The following FANCA variants were observed in gnomAD, a reference collection of about 807,000 sequenced individuals.
The protein encoded by FANCA is Fanconi anemia group A protein.
A neutral mutation model predicts 194.3 loss-of-function variants in FANCA; 236 were observed. The observed-to-expected ratio is 1.21, with a 90% CI of 1.09 to 1.35. The LOEUF is 1.35. FANCA is among the 40% of genes most tolerant of loss of function. FANCA has a pLI of 0.00. For synonymous variants in FANCA, 1,014 were observed against 715.8 expected (o/e 1.42, Z -6.65); for missense variants, 2,628 against 1,813.9 (o/e 1.45, Z -8.15).
At chr16:89,747,065 G>A (rs1474043908) in intron 33 of FANCA, among the ~76,000 whole-genome samples, 175 bp from the exon 34 acceptor site, 2 of 152,192 alleles carry the variant, frequency 1.3e-5, no homozygotes, top group African/African-American at 4.8e-5. Flanking sequence ...GTGCTGTCCT[G>A]AAACTTAACG....
In FANCA at chr16:89,738,089, T is replaced by G; in HGVS notation, c.*512A>C. ...GCCTGTGACCAGTGTGGCCGGCGGT[T>G]TGAGAAGGCCCACAACCTCAATGTA... On this transcript the variant is annotated 3_prime_UTR_variant, in exon 43 of 43. Coordinates refer to ENST00000389301, the MANE Select transcript of FANCA (RefSeq NM_000135.4). 1 of 1,614,064 alleles carries G rather than the reference T, an allele frequency of 6.2e-7. No individual in the cohort carries two copies. The highest frequency in any genetic ancestry group is 8.5e-7 in the Non-Finnish European group (1 of 1,180,036).
intron 26 of FANCA, among the ~76,000 whole-genome samples, chr16:89,768,038 T>G: frequency 6.6e-6 from 1 of 152,190 alleles, no homozygotes; most frequent in Non-Finnish European, 1.5e-5. Flanking sequence ...ATGCCCAGGC[T>G]GGAGTGCAGT....
Position 89,745,076 on chromosome 16 carries a change from GGA to G in FANCA, c.3514-7_3514-6del, listed in dbSNP as rs1442804362. On this transcript the variant is annotated splice_polypyrimidine_tract_variant and splice_region_variant and intron_variant, in intron 35 of 42. Coordinates refer to ENST00000389301, the MANE Select transcript of FANCA (RefSeq NM_000135.4). ...CTCCAGGCTCGGCCACCACACCTAT[GGA>G]GAGAGCACCAGCACACAGATGAGGG... The G allele has an allele frequency of 1.9e-6, 3 of 1,597,000 alleles. No homozygotes were observed. The highest frequency in any genetic ancestry group is 4.5e-5 in the East Asian group (2 of 44,248).
Position 89,810,719 on chromosome 16 carries a change from T to A in FANCA, c.510A>T (p.Leu170Phe). ...MFSRLSFCQE[L>F]WKIQSSLLLE... Reference sequence around the variant, plus strand: ...ATCTCAAATTTACCTGTATTTTCCATAATTCTTGACAGAAGGAAAGACGGG... The same window carrying A: ...ATCTCAAATTTACCTGTATTTTCCAAAATTCTTGACAGAAGGAAAGACGGG... Residue 170 changes from leucine to phenylalanine, a missense_variant, in exon 5 of 43, where the codon TTA (leucine) becomes TTT (phenylalanine). Transcript: ENST00000389301. The A allele has an allele frequency of 6.2e-7, 1 of 1,608,024 alleles. No homozygotes were observed. The highest frequency in any genetic ancestry group is 8.5e-7 in the Non-Finnish European group (1 of 1,174,438).
Position 89,740,874 on chromosome 16 carries a change from T to G in FANCA, c.3766-8A>C. The G allele has an allele frequency of 6.2e-7, 1 of 1,609,958 alleles. No homozygotes were observed. The highest frequency in any genetic ancestry group is 1.1e-5 in the South Asian group (1 of 90,576). On this transcript the variant is annotated splice_polypyrimidine_tract_variant and splice_region_variant and intron_variant, in intron 37 of 42. Transcript: ENST00000389301. ...GAAAAGGAAAACCAATAGCTGTAAA[T>G]AAAAACGTGCACTTATTATTACATT...
In FANCA at chr16:89,773,359, T is replaced by C. The variant is rs2039390337; in HGVS notation, c.1926A>G (p.Glu642=). Residue 642 remains glutamate (E), a synonymous_variant, in exon 22 of 43, where the codon GAA becomes GAG. Transcript: ENST00000389301. The stretch of plus-strand genomic sequence containing the variant: ...CCAGGGGCTCCTCAGCAGAGTTGGG[T>C]TCTGCCCTCACTCCCAGGGCTGCAT... ...PEDAALGVRA[E]PNSAEEPLGQ... 3 of 1,551,344 alleles carry C rather than the reference T, an allele frequency of 1.9e-6. No homozygotes were observed. The highest frequency in any genetic ancestry group is 2.6e-6 in the Non-Finnish European group (3 of 1,146,854).
In FANCA at chr16:89,792,513, G is replaced by A; in HGVS notation, c.1041C>T (p.Ser347=). ...TGAGCAGAGGGTGTGTCCGCGCAAAGCTCCACTCTCTCTGCATCTGAACAG... is the reference window on the plus strand; with the variant it reads ...TGAGCAGAGGGTGTGTCCGCGCAAAACTCCACTCTCTCTGCATCTGAACAG... The part of the protein sequence containing the change: ...SDAVQMQREW[S]FARTHPLLTS... The change falls in exon 12 of 43, where the codon AGC becomes AGT. Residue 347 remains serine, a synonymous_variant. Transcript: ENST00000389301. 1 of 1,613,524 alleles carries A rather than the reference G, an allele frequency of 6.2e-7. No individual in the cohort carries two copies. Among genetic ancestry groups the A allele is most frequent in the Non-Finnish European group, 8.5e-7 (1 of 1,180,020 alleles).
intron 10 of FANCA, among the ~76,000 whole-genome samples, chr16:89,797,342 G>T (rs8051915): frequency 0.35 from 52,829 of 151,444 alleles, 10,774 homozygotes; most frequent in East Asian, 0.72. Context: ...AAAAAATAAA[G>T]AAAGAAAGAA....
intron 20 of FANCA, among the ~76,000 whole-genome samples, 155 bp from the exon 21 acceptor site, chr16:89,775,970 A>G (rs963354984): frequency 6.6e-6 from 1 of 151,702 alleles, no homozygotes; most frequent in Admixed American, 6.6e-5. Context: ...AAAAAATATT[A>G]AAAAATATAT....
chr16:89,815,748 C>A, intron 2 of FANCA, 129 bp downstream of exon 2: 1 of 784,116 alleles, frequency 1.3e-6, no homozygotes, highest in Non-Finnish European at 2.3e-6. Context: ...GCTCAGGCGA[C>A]CCTCCCCTCT....
intron 10 of FANCA, among the ~76,000 whole-genome samples, chr16:89,796,365 C>G (rs893946535): frequency 6.6e-6 from 1 of 152,142 alleles, no homozygotes; most frequent in East Asian, 1.9e-4. Flanking sequence ...GGAGCCAACC[C>G]GACGGGGCCT....
At chr16:89,756,438 G>A (rs2038769539) in intron 30 of FANCA, among the ~76,000 whole-genome samples, 1 of 152,130 alleles carries the variant, frequency 6.6e-6, no homozygotes, top group South Asian at 2.1e-4. Flanking sequence ...AGACCAGTCT[G>A]GCCAACATGG....
At chr16:89,771,954 C>T in intron 22 of FANCA, 140 bp from the exon 23 acceptor site, 2 of 1,024,572 alleles carry the variant, frequency 2.0e-6, no homozygotes, top group South Asian at 2.7e-5. Flanking sequence ...AGGTGCTGAA[C>T]ACCAGTGTTT....
chr16:89,742,981 T>TAC, intron 36 of FANCA, 43 bp from the exon 37 acceptor site: 2 of 1,597,914 alleles, frequency 1.3e-6, no homozygotes, highest in Non-Finnish European at 1.7e-6. Flanking sequence ...CTTACAACCA[T>TAC]ACAACCACGC....
At position 89,770,618 on chromosome 16, in the gene FANCA, A is replaced by T. The variant is rs2039290520; in HGVS notation, c.2168T>A (p.Leu723Gln). 6.2e-7 allele frequency: 1 copy of T among 1,611,322 alleles called. No homozygotes were observed. The highest frequency in any genetic ancestry group is 2.2e-5 in the East Asian group (1 of 44,800). The change falls in exon 24 of 43, where the codon CTG (leucine) becomes CAG (glutamine). Residue 723 changes from leucine (L) to glutamine (Q), a missense_variant. Physicochemically the swap from Leu to Gln is moderately radical, Grantham distance 113 (BLOSUM62 -2). Coordinates refer to ENST00000389301, the MANE Select transcript of FANCA (RefSeq NM_000135.4). ...PREHMAVDLLLTSFCQNLMAA... is the reference protein window; with the variant it reads ...PREHMAVDLLQTSFCQNLMAA... Reference sequence around the variant, plus strand: ...CATCAGGTTCTGACAGAAAGACGTCAGCAGGAGGTCCACAGCCTGCAGAGA... The same window carrying T: ...CATCAGGTTCTGACAGAAAGACGTCTGCAGGAGGTCCACAGCCTGCAGAGA...
At chr16:89,769,669 A>T (rs142084058) in intron 26 of FANCA, 168 bp downstream of exon 26, 2 of 745,536 alleles carry the variant, frequency 2.7e-6, no homozygotes, top group Non-Finnish European at 4.6e-6. Context: ...CACGCATATT[A>T]TAAACAAATG....
intron 14 of FANCA, 200 bp downstream of exon 14, chr16:89,791,203 G>C (rs1294758980): frequency 1.2e-5 from 8 of 676,656 alleles, no homozygotes; most frequent in Non-Finnish European, 2.1e-5. Flanking sequence ...AACATGCAGA[G>C]GAAGATCCGC....
In FANCA at chr16:89,759,332, A is replaced by T. The variant is rs1177891798; in HGVS notation, c.2853-627T>A. Among the ~76,000 whole-genome samples, 25 of 146,304 alleles carry T rather than the reference A, an allele frequency of 1.7e-4. 1 individual carries two copies. The East Asian group carries it at 3.3e-3, about 20-fold the overall frequency. On this transcript the variant is annotated intron_variant, in intron 29 of 42. Transcript: ENST00000389301. ...GAGACTCCGTCTAAAAAAAAAAAAAAAAAAAAAAAAAAAAAAAGTAGCCTG... is the reference window on the plus strand; with the variant it reads ...GAGACTCCGTCTAAAAAAAAAAAAATAAAAAAAAAAAAAAAAAGTAGCCTG...
Position 89,761,931 on chromosome 16 carries a change from G to C in FANCA, c.2852+18C>G, listed in dbSNP as rs1172163585. 1 of 1,607,320 alleles carries C rather than the reference G, an allele frequency of 6.2e-7. No individual in the cohort carries two copies. Among genetic ancestry groups the C allele is most frequent in the Non-Finnish European group, 8.5e-7 (1 of 1,173,892 alleles). ...TGAGCCATCATGCCTGGCCAGGGTAGCTCTTTTCAACACTTACCGTTCAGT... is the reference window on the plus strand; with the variant it reads ...TGAGCCATCATGCCTGGCCAGGGTACCTCTTTTCAACACTTACCGTTCAGT... On this transcript the variant is annotated intron_variant, in intron 29 of 42. Coordinates refer to ENST00000389301, the MANE Select transcript of FANCA (RefSeq NM_000135.4).
Sources: gnomAD v4.1 joint callset for allele counts (sites outside exome capture counted in the v4.1 genomes callset) on GRCh38, gnomAD v4.1.1 for gene constraint, MANE v1.5 for transcripts, NCBI Gene and HGNC (gene_info 2026-07-23, HGNC 2026-07-21) for gene names.